CSMD1: variants seen among roughly 807,000 people sequenced by gnomAD.
CSMD1 encodes CUB and Sushi multiple domains 1, also known as CUB and sushi domain-containing protein 1.
A neutral mutation model predicts 417.5 loss-of-function variants in CSMD1; 213 were observed. The observed-to-expected ratio is 0.51, with a 90% CI of 0.46 to 0.57. CSMD1 has a LOEUF of 0.57. CSMD1 is among the 20% of genes least tolerant of loss of function. The probability of loss-of-function intolerance (pLI) is 0.00; values close to 1 mark genes in which losing one functional copy is unlikely to be tolerated. For synonymous variants in CSMD1, 2,862 were observed against 1,736.8 expected (o/e 1.65, Z -16.11); for missense variants, 6,923 against 4,529.7 (o/e 1.53, Z -15.17).
intron 1 of CSMD1, among the ~76,000 whole-genome samples, chr8:4,962,493 G>C (rs918104151): frequency 1.3e-5 from 2 of 152,166 alleles, no homozygotes; most frequent in East Asian, 3.9e-4. Flanking sequence ...TTCCAGGCAT[G>C]TCCCATCGTG....
At chr8:4,959,090 T>G (rs751876210) in intron 1 of CSMD1, among the ~76,000 whole-genome samples, 1 of 152,184 alleles carries the variant, frequency 6.6e-6, no homozygotes, top group Non-Finnish European at 1.5e-5. Context: ...GGGAAATAGT[T>G]TAGTCTATGC....
intron 3 of CSMD1, among the ~76,000 whole-genome samples, chr8:4,235,028 A>C (rs1801961620): frequency 6.6e-6 from 1 of 152,192 alleles, no homozygotes; most frequent in Admixed American, 6.6e-5. Context: ...GTGGGAGTTA[A>C]GTCTTCAACA....
intron 1 of CSMD1, among the ~76,000 whole-genome samples, chr8:4,941,151 G>T (rs1807970512): frequency 6.6e-6 from 1 of 151,840 alleles, no homozygotes; most frequent in Non-Finnish European, 1.5e-5. Flanking sequence ...ACAATAAATT[G>T]GATCACTCAA....
At chr8:4,616,008 A>T (rs997749537) in intron 2 of CSMD1, among the ~76,000 whole-genome samples, 4 of 152,196 alleles carry the variant, frequency 2.6e-5, no homozygotes, top group Admixed American at 2.0e-4. Context: ...TCGGTTAGAT[A>T]ATTCTCAAAG....
chr8:4,078,339 G>C (rs1371027545), intron 3 of CSMD1, among the ~76,000 whole-genome samples: 1 of 146,550 alleles, frequency 6.8e-6, no homozygotes, highest in Non-Finnish European at 1.5e-5. Context: ...TTTTGAGAGG[G>C]AGTCTTGCTC....
At chr8:4,829,440 C>T (rs566842928) in intron 1 of CSMD1, among the ~76,000 whole-genome samples, 12 of 152,196 alleles carry the variant, frequency 7.9e-5, no homozygotes, top group Non-Finnish European at 1.5e-4. Flanking sequence ...CTCAACTCAG[C>T]AGTAGAAATT....
intron 23 of CSMD1, among the ~76,000 whole-genome samples, chr8:3,311,566 C>A (rs977732855): frequency 2.0e-5 from 3 of 152,080 alleles, no homozygotes; most frequent in Non-Finnish European, 4.4e-5. Context: ...CACTTTCTTA[C>A]AAAACAAGCT....
At chr8:3,716,335 A>G (rs1038173988) in intron 6 of CSMD1, among the ~76,000 whole-genome samples, 6 of 152,208 alleles carry the variant, frequency 3.9e-5, no homozygotes, top group Admixed American at 2.0e-4. Context: ...AAAATAGAGG[A>G]ATAAAAGAAG....
chr8:4,706,574 C>T (rs1309754608), intron 1 of CSMD1, among the ~76,000 whole-genome samples: 1 of 152,088 alleles, frequency 6.6e-6, no homozygotes, highest in East Asian at 1.9e-4. Flanking sequence ...TCAACTTATG[C>T]CATGTTTAAA....
intron 2 of CSMD1, among the ~76,000 whole-genome samples, chr8:4,600,686 A>G (rs1800532991): frequency 6.6e-6 from 1 of 152,168 alleles, no homozygotes; most frequent in Non-Finnish European, 1.5e-5. Context: ...TTTCACAAAA[A>G]TAGGGGAATG....
At chr8:3,762,542 T>C (rs1296376259) in intron 5 of CSMD1, among the ~76,000 whole-genome samples, 1 of 152,256 alleles carries the variant, frequency 6.6e-6, no homozygotes, top group Non-Finnish European at 1.5e-5. Flanking sequence ...AGCGAGTCTG[T>C]AGCACAGGCG....
rs549221116 is a variant in CSMD1, at chr8:4,412,933, C to A, written c.415+7020G>T. On this transcript the variant is annotated intron_variant, in intron 3 of 69. Coordinates refer to ENST00000635120, the MANE Select transcript of CSMD1 (RefSeq NM_033225.6). ...CAATCAGATAAAAGAAAAGTTGACG[C>A]CTCAGGTTAACAGAACTTGTATCAT... Among the ~76,000 whole-genome samples, 330 of 152,254 alleles carry A rather than the reference C, an allele frequency of 2.2e-3. 2 individuals carry two copies. The highest frequency in any genetic ancestry group is 7.7e-3 in the African/African-American group (322 of 41,558).
chr8:4,793,861 G>T (rs1223655979), intron 1 of CSMD1, among the ~76,000 whole-genome samples: 1 of 149,846 alleles, frequency 6.7e-6, no homozygotes, highest in Non-Finnish European at 1.5e-5. Context: ...AAACTCCTCT[G>T]ATTAAAAGTT....
intron 25 of CSMD1, among the ~76,000 whole-genome samples, chr8:3,306,122 A>C (rs1804822901): frequency 6.6e-6 from 1 of 151,898 alleles, no homozygotes; most frequent in African/African-American, 2.4e-5. Flanking sequence ...CATTTTCCTC[A>C]CTCCACTTCA....
At chr8:3,874,544 G>A (rs1739860470) in intron 5 of CSMD1, among the ~76,000 whole-genome samples, 1 of 152,142 alleles carries the variant, frequency 6.6e-6, no homozygotes, top group South Asian at 2.1e-4. Context: ...CATACAAGCA[G>A]CATCTTAGGG....
At chr8:3,570,546 T>C (rs1391957483) in intron 10 of CSMD1, among the ~76,000 whole-genome samples, 1 of 118,184 alleles carries the variant, frequency 8.5e-6, no homozygotes, top group African/African-American at 3.3e-5. Flanking sequence ...GGGGAAATAT[T>C]GTCTCCGCTC....
At chr8:4,724,776 T>C (rs1272664941) in intron 1 of CSMD1, among the ~76,000 whole-genome samples, 1 of 152,120 alleles carries the variant, frequency 6.6e-6, no homozygotes, top group African/African-American at 2.4e-5. Flanking sequence ...AGTTAAGATA[T>C]ACAGCATAGC....
chr8:4,500,598 C>T (rs1802211681), intron 2 of CSMD1, among the ~76,000 whole-genome samples: 1 of 152,014 alleles, frequency 6.6e-6, no homozygotes, highest in Admixed American at 6.6e-5. Context: ...GTTCTAATGG[C>T]ATTCGGGGAA....
intron 3 of CSMD1, among the ~76,000 whole-genome samples, chr8:4,401,458 G>C (rs1435379604): frequency 6.6e-6 from 1 of 152,052 alleles, no homozygotes; most frequent in East Asian, 1.9e-4. Flanking sequence ...GTAATTTCAA[G>C]CTTCCAGTGG....
Sources: gnomAD v4.1 joint callset for allele counts (sites outside exome capture counted in the v4.1 genomes callset) on GRCh38, gnomAD v4.1.1 for gene constraint, MANE v1.5 for transcripts, NCBI Gene and HGNC (gene_info 2026-07-23, HGNC 2026-07-21) for gene names.